The following USP15 variants were observed in gnomAD, a reference collection of about 807,000 sequenced individuals.
USP15 encodes ubiquitin specific peptidase 15.
USP15 carries 18 observed loss-of-function variants against 127.1 expected under a neutral mutation model. The ratio of observed to expected loss-of-function variants is 0.14; its 90% CI spans 0.10 to 0.21. The LOEUF is 0.21. Ranked by LOEUF, USP15 falls within the 10% of genes least tolerant of loss-of-function variation. The pLI is 1.00. For missense variants in USP15, 805 were observed against 1,159.9 expected, an observed-to-expected ratio of 0.69 and a Z score of 4.44; for synonymous variants, 364 against 393.7, an observed-to-expected ratio of 0.92 and a Z score of 0.89.
intron 8 of USP15, among the ~76,000 whole-genome samples, chr12:62,374,871 A>G (rs978218340): frequency 1.1e-4 from 16 of 152,142 alleles, no homozygotes; most frequent in African/African-American, 3.6e-4. Flanking sequence ...CATCTTTCCA[A>G]GTAATTACAT....
chr12:62,396,375 A>C lies in USP15; in HGVS notation c.2651A>C (p.Tyr884Ser). 1 of 1,613,288 alleles carries C rather than the reference A, an allele frequency of 6.2e-7. No homozygotes were observed. Among genetic ancestry groups the C allele is most frequent in the Non-Finnish European group, 8.5e-7 (1 of 1,179,568 alleles). Residue 884 changes from tyrosine (Y) to serine (S), a missense_variant, in exon 20 of 22, where the codon TAT becomes TCT. Coordinates refer to ENST00000280377, the MANE Select transcript of USP15 (RefSeq NM_001252078.2). ...AATCTGATTGCTGTTTCCAACCACTATGGAGGGATGGGAGGAGGACACTGT... is the reference window on the plus strand; with the variant it reads ...AATCTGATTGCTGTTTCCAACCACTCTGGAGGGATGGGAGGAGGACACTGT... ...RYNLIAVSNH[Y>S]GGMGGGHYTA...
At chr12:62,293,878 T>A (rs1020130057) in intron 1 of USP15, among the ~76,000 whole-genome samples, 5 of 152,224 alleles carry the variant, frequency 3.3e-5, no homozygotes, top group Non-Finnish European at 5.9e-5. Flanking sequence ...TAAATTTATT[T>A]TGACAAATTC....
intron 3 of USP15, chr12:62,305,656 A>C (rs1191314208): frequency 6.6e-6 from 1 of 152,174 alleles, no homozygotes; most frequent in Non-Finnish European, 1.5e-5. Context: ...TGAAAACATT[A>C]ATAATAATTT....
chr12:62,343,165 C>T (rs11514251), intron 6 of USP15, among the ~76,000 whole-genome samples: 60,371 of 152,082 alleles, frequency 0.4, 12,530 homozygotes, highest in East Asian at 0.55. Context: ...CTTTGCCACA[C>T]TGTGGTGAAT....
In USP15 at chr12:62,410,543, A is replaced by G. The variant is rs2137710757; in HGVS notation, c.*6168A>G. ...TGTACCTATTGTATAAGTTGAAGTA[A>G]TACTGCAAATTCAAACAGTAAACAT... is the stretch of plus-strand genomic sequence containing the variant. On this transcript the variant is annotated 3_prime_UTR_variant, in exon 22 of 22. Coordinates refer to ENST00000280377, the MANE Select transcript of USP15 (RefSeq NM_001252078.2). 6.6e-6 allele frequency: 1 copy of G among 152,244 alleles called. No homozygotes were observed. Among genetic ancestry groups the G allele is most frequent in the Admixed American group, 6.5e-5 (1 of 15,270 alleles). 9.4% of individuals were successfully genotyped at this position (152,244 alleles called of 1,614,324 possible). A position where few individuals can be genotyped will look rare whatever the true frequency, so the allele number is the denominator to read the frequency against.
At chr12:62,400,214 A>G (rs967465687) in intron 20 of USP15, among the ~76,000 whole-genome samples, 2 of 152,164 alleles carry the variant, frequency 1.3e-5, no homozygotes, top group African/African-American at 4.8e-5. Flanking sequence ...CTTAAAGATA[A>G]AGCAGATCTT....
At chr12:62,336,407 C>A (rs1033161249) in intron 6 of USP15, 2 of 985,336 alleles carry the variant, frequency 2.0e-6, no homozygotes, top group East Asian at 2.3e-4. Flanking sequence ...ATCCTGAGTT[C>A]CTCCTCCAGC....
At chr12:62,391,571 T>C (rs2067326767) in intron 16 of USP15, 142 bp downstream of exon 16, 1 of 1,087,558 alleles carries the variant, frequency 9.2e-7, no homozygotes, top group Non-Finnish European at 1.3e-6. Flanking sequence ...AAGGACTTAA[T>C]ATCTAAGTAG....
At position 62,302,798 on chromosome 12, in the gene USP15, GC is replaced by G; in HGVS notation, c.229del (p.Gln77SerfsTer30). The G allele has an allele frequency of 6.2e-7, 1 of 1,608,068 alleles. No homozygotes were observed. Among genetic ancestry groups the G allele is most frequent in the Non-Finnish European group, 8.5e-7 (1 of 1,176,378 alleles). On this transcript the variant is annotated frameshift_variant, in exon 3 of 22. Transcript: ENST00000280377. LOFTEE classifies it high-confidence loss of function. ...TATTTTTTCTTTTGCAGATGGTGAT[GC>G]CCAGTCACTTAAGGAACACCTTATT... ...DNSGLLKDGDAQSLKEHLIDE... is the reference protein window; with the variant it reads ...DNSGLLKDGDXQSLKEHLIDE...
At chr12:62,367,022 G>T (rs939893779) in intron 8 of USP15, among the ~76,000 whole-genome samples, 1 of 151,948 alleles carries the variant, frequency 6.6e-6, no homozygotes, top group African/African-American at 2.4e-5. Context: ...TTTTTTTGTT[G>T]TGTCTCTGCC....
chr12:62,314,315 T>A (rs1185729168), intron 3 of USP15, among the ~76,000 whole-genome samples: 1 of 151,912 alleles, frequency 6.6e-6, no homozygotes, highest in Non-Finnish European at 1.5e-5. Context: ...TCAAATTGTA[T>A]AAACAACTTT....
At chr12:62,311,701 G>A (rs1341226075) in intron 3 of USP15, among the ~76,000 whole-genome samples, 2 of 151,674 alleles carry the variant, frequency 1.3e-5, no homozygotes, top group Non-Finnish European at 3.0e-5. Context: ...ATCCTGTTCA[G>A]AGTGAGTGTA....
At chr12:62,303,421 C>T (rs12816968) in intron 3 of USP15, 9,625 of 152,142 alleles carry the variant, frequency 0.063, 400 homozygotes, top group Middle Eastern at 0.095. Context: ...TAACCAATTT[C>T]GTTTTTTTAG....
chr12:62,288,119 C>T (rs2063835083), intron 1 of USP15, among the ~76,000 whole-genome samples: 1 of 151,876 alleles, frequency 6.6e-6, no homozygotes, highest in African/African-American at 2.4e-5. Flanking sequence ...TTTTCTAATT[C>T]AGTGAAACAT....
At chr12:62,336,728 A>G (rs1419897837) in intron 6 of USP15, 1 of 162,954 alleles carries the variant, frequency 6.1e-6, no homozygotes, top group Non-Finnish European at 1.3e-5. Flanking sequence ...TTACTATCTG[A>G]CTGAATAGAG....
intron 6 of USP15, among the ~76,000 whole-genome samples, chr12:62,333,151 C>A (rs886186106): frequency 6.6e-6 from 1 of 152,166 alleles, no homozygotes; most frequent in Non-Finnish European, 1.5e-5. Context: ...TTGGCTGTAG[C>A]CATTCTTTAT....
intron 8 of USP15, among the ~76,000 whole-genome samples, chr12:62,373,467 T>G (rs2066736890): frequency 6.6e-6 from 1 of 152,006 alleles, no homozygotes; most frequent in South Asian, 2.1e-4. Context: ...AAATGAAGTT[T>G]AATTTTATTC....
chr12:62,329,742 A>C (rs1182774718), intron 6 of USP15, among the ~76,000 whole-genome samples: 1 of 152,200 alleles, frequency 6.6e-6, no homozygotes, highest in East Asian at 1.9e-4. Flanking sequence ...AATGAGATAC[A>C]ATTTTTCACC....
chr12:62,375,914 A>T (rs925155472), intron 8 of USP15, among the ~76,000 whole-genome samples: 1 of 152,280 alleles, frequency 6.6e-6, no homozygotes, highest in African/African-American at 2.4e-5. Flanking sequence ...TTCCTTGTGG[A>T]TCAGCTTTTC....
Sources: gnomAD v4.1 joint callset for allele counts (sites outside exome capture counted in the v4.1 genomes callset) on GRCh38, gnomAD v4.1.1 for gene constraint, MANE v1.5 for transcripts, NCBI Gene and HGNC (gene_info 2026-07-23, HGNC 2026-07-21) for gene names.